The following NUP58 variants were observed in gnomAD, a reference collection of about 807,000 sequenced individuals.
NUP58 encodes nucleoporin p58/p45.
NUP58 carries 17 observed loss-of-function variants against 70.1 expected under a neutral mutation model. The observed-to-expected ratio is 0.24, with a 90% CI of 0.17 to 0.36. NUP58 has a LOEUF of 0.36. NUP58 is among the 10% of genes least tolerant of loss of function. NUP58 has a pLI of 1.00. For missense variants in NUP58, 644 were observed against 701.5 expected, an observed-to-expected ratio of 0.92 and a Z score of 0.93; for synonymous variants, 275 against 257.6, an observed-to-expected ratio of 1.07 and a Z score of -0.65.
At chr13:25,336,606 A>G (rs2031793787) in intron 13 of NUP58, among the ~76,000 whole-genome samples, 1 of 152,206 alleles carries the variant, frequency 6.6e-6, no homozygotes, top group Non-Finnish European at 1.5e-5. Context: ...AAGTAAATCT[A>G]AAGGAATGAT....
chr13:25,334,242 GAAGAC>G, intron 13 of NUP58: 5 of 985,320 alleles, frequency 5.1e-6, no homozygotes, highest in Non-Finnish European at 6.0e-6. Context: ...CTGAAAAACT[GAAGAC>G]ATTTACATTA....
At position 25,326,969 on chromosome 13, in the gene NUP58, A is replaced by G. The variant is rs1434426612; in HGVS notation, c.1085A>G (p.Gln362Arg). 6.2e-7 allele frequency: 1 copy of G among 1,608,762 alleles called. No homozygotes were observed. Among genetic ancestry groups the G allele is most frequent in the Non-Finnish European group, 8.5e-7 (1 of 1,177,234 alleles). The change falls in exon 11 of 16, where the codon CAG becomes CGG. Residue 362 changes from glutamine to arginine, a missense_variant. Transcript: ENST00000381736. Reference sequence around the variant, plus strand: ...GAGGTACAGCTTCAGCAGTACAGGCAGCAGATTGAAGAACTAGAAAACCAT... The same window carrying G: ...GAGGTACAGCTTCAGCAGTACAGGCGGCAGATTGAAGAACTAGAAAACCAT... The part of the protein sequence containing the change: ...QFEVQLQQYR[Q>R]QIEELENHLA...
downstream of NUP58, among the ~76,000 whole-genome samples, chr13:25,344,506 C>T (rs1303532642): frequency 2.0e-5 from 3 of 152,168 alleles, no homozygotes; most frequent in Admixed American, 6.5e-5. Flanking sequence ...TAGGAAGCTG[C>T]TTTATCTTAG....
chr13:25,322,291 A>C (rs1403625548), intron 9 of NUP58, among the ~76,000 whole-genome samples: 5 of 152,232 alleles, frequency 3.3e-5, no homozygotes, highest in African/African-American at 1.2e-4. Flanking sequence ...CCACTATTGG[A>C]GAATATCTTG....
At chr13:25,322,586 T>C (rs2031231405) in intron 9 of NUP58, among the ~76,000 whole-genome samples, 1 of 152,230 alleles carries the variant, frequency 6.6e-6, no homozygotes, top group Non-Finnish European at 1.5e-5. Flanking sequence ...ACAAAATTAT[T>C]AAAATTGTAT....
chr13:25,318,202 C>T (rs2031024872), intron 6 of NUP58, among the ~76,000 whole-genome samples: 1 of 152,142 alleles, frequency 6.6e-6, no homozygotes, highest in South Asian at 2.1e-4. Context: ...GTGGCAGGCA[C>T]CTGTAATCCC....
chr13:25,317,879 T>C (rs76877086), intron 6 of NUP58: 1 of 148,514 alleles, frequency 6.7e-6, no homozygotes, highest in Non-Finnish European at 1.5e-5. Flanking sequence ...TTTTTTTTTT[T>C]GGGATACAGT....
downstream of NUP58, among the ~76,000 whole-genome samples, chr13:25,343,676 C>CA (rs903679758): frequency 1.1e-4 from 16 of 151,682 alleles, no homozygotes; most frequent in Non-Finnish European, 2.9e-5. Flanking sequence ...AGCCTGGTCT[C>CA]AAACTCCTGA....
rs2031955460 is a variant in NUP58, at chr13:25,341,556, T to C, written c.*1422T>C. 6.6e-6 allele frequency: 1 copy of C among 152,572 alleles called. No individual in the cohort carries two copies. The highest frequency in any genetic ancestry group is 2.1e-4 in the South Asian group (1 of 4,830). The allele number at this position is 152,572 out of a possible 1,614,324, so 9.5% of individuals were successfully genotyped here. A position where few individuals can be genotyped will look rare whatever the true frequency, so the allele number is the denominator to read the frequency against. ...CAGTATATTTTAAAAAAGAAAAATA[T>C]TCTTTGTAGCAACTGTAAATTCTCC... On this transcript the variant is annotated 3_prime_UTR_variant, in exon 16 of 16. Transcript: ENST00000381736.
chr13:25,343,805 G>GTATATATATATATATATATATATATATA, downstream of NUP58, among the ~76,000 whole-genome samples: 1 of 137,654 alleles, frequency 7.3e-6, no homozygotes, highest in East Asian at 2.2e-4. Context: ...ACATATATAT[G>GTATATATATATATATATATATATATATA]TATATATATA....
intron 5 of NUP58, among the ~76,000 whole-genome samples, chr13:25,314,799 C>T (rs1012572648): frequency 4.6e-5 from 7 of 152,044 alleles, no homozygotes; most frequent in African/African-American, 1.2e-4. Context: ...TATGATTAAC[C>T]GTAGTCTGGT....
At chr13:25,305,279 G>C (rs200778086) in intron 1 of NUP58, among the ~76,000 whole-genome samples, 1 of 151,832 alleles carries the variant, frequency 6.6e-6, no homozygotes, top group East Asian at 1.9e-4. Flanking sequence ...GAGTAGCTGG[G>C]ATTACATTCA....
rs755524900 is a variant in NUP58, at chr13:25,301,725, T to C, written c.-49T>C. The C allele has an allele frequency of 2.5e-5, 27 of 1,071,676 alleles. No individual in the cohort carries two copies. The highest frequency in any genetic ancestry group is 3.2e-5 in the Non-Finnish European group (24 of 755,652). The allele number at this position is 1,071,676 out of a possible 1,614,324, so 66.4% of individuals were successfully genotyped here. On this transcript the variant is annotated 5_prime_UTR_variant, in exon 1 of 16. Coordinates refer to ENST00000381736, the MANE Select transcript of NUP58 (RefSeq NM_014089.4). The stretch of plus-strand genomic sequence containing the variant: ...CGCCTCGGCTTTGAGGCGAGAGAAG[T>C]GTCCCAGACCCATTTCGCCTTGCTG...
chr13:25,318,472 A>G (rs2031039572), intron 6 of NUP58, among the ~76,000 whole-genome samples: 1 of 152,210 alleles, frequency 6.6e-6, no homozygotes, highest in Non-Finnish European at 1.5e-5. Context: ...AAATTGAGAT[A>G]CATCTTACAA....
At chr13:25,323,733 G>A (rs148947228) in intron 9 of NUP58, among the ~76,000 whole-genome samples, 145 of 152,140 alleles carry the variant, frequency 9.5e-4, no homozygotes, top group African/African-American at 3.3e-3. Context: ...AAAATAGGAT[G>A]GTGGTTCTTT....
At chr13:25,315,637 T>C (rs974966230) in intron 6 of NUP58, among the ~76,000 whole-genome samples, 170 bp downstream of exon 6, 2 of 152,032 alleles carry the variant, frequency 1.3e-5, no homozygotes, top group Admixed American at 6.6e-5. Context: ...ATGATACATA[T>C]GCAGTATTGT....
At position 25,321,184 on chromosome 13, in the gene NUP58, A is replaced by G. The variant is rs561107085; in HGVS notation, c.951+91A>G. The G allele has an allele frequency of 9.0e-5, 106 of 1,175,294 alleles. 2 individuals are homozygous for G. The South Asian group carries it at 1.5e-3, about 16-fold the overall frequency. 72.8% of individuals were successfully genotyped at this position (1,175,294 alleles called of 1,614,324 possible). A position where few individuals can be genotyped will look rare whatever the true frequency, so the allele number is the denominator to read the frequency against. On this transcript the variant is annotated intron_variant, in intron 9 of 15. Transcript: ENST00000381736. ...AGGTGTTTTGTTTTGTTTGTTTTTA[A>G]TTATGAAATTTGATACATGCATACC...
chr13:25,309,034 T>C (rs982223917), intron 2 of NUP58, among the ~76,000 whole-genome samples: 1 of 152,250 alleles, frequency 6.6e-6, no homozygotes, highest in Non-Finnish European at 1.5e-5. Flanking sequence ...TTATAAATTT[T>C]ATTCCTTAAT....
At chr13:25,321,258 G>C (rs532419665) in intron 9 of NUP58, among the ~76,000 whole-genome samples, 165 bp downstream of exon 9, 61 of 152,200 alleles carry the variant, frequency 4.0e-4, no homozygotes, top group African/African-American at 1.3e-3. Flanking sequence ...TTTTTATTAA[G>C]CGTTTTCTGT....
Sources: allele counts gnomAD v4.1 joint callset (sites outside exome capture counted in the v4.1 genomes callset), GRCh38; gene constraint gnomAD v4.1.1; transcripts MANE v1.5; gene names NCBI Gene and HGNC (gene_info 2026-07-23, HGNC 2026-07-21).